PKP4: variants seen among roughly 807,000 people sequenced by gnomAD.
PKP4 encodes plakophilin-4.
Under a neutral mutation model 145.1 loss-of-function variants are expected in PKP4, and 90 were observed. That is an observed-to-expected ratio of 0.62 (90% CI 0.52 to 0.74). The LOEUF (loss-of-function observed/expected upper bound fraction) is 0.74. Ranked by LOEUF, PKP4 falls within the 30% of genes least tolerant of loss-of-function variation. The pLI, the probability that PKP4 is intolerant of heterozygous loss-of-function variation, is 0.00. For synonymous variants in PKP4, 563 were observed against 577.2 expected (o/e 0.98, Z 0.35); for missense variants, 1,340 against 1,482.7 (o/e 0.90, Z 1.58).
At chr2:158,642,885 G>C (rs534610531) in intron 11 of PKP4, among the ~76,000 whole-genome samples, 186 bp downstream of exon 11, 93 of 152,310 alleles carry the variant, frequency 6.1e-4, no homozygotes, top group African/African-American at 2.1e-3. Context: ...TTAGAATGCA[G>C]TCATCTCTAT....
At chr2:158,677,368 G>A (rs190178405) in intron 20 of PKP4, 8 of 164,456 alleles carry the variant, frequency 4.9e-5, no homozygotes, top group Non-Finnish European at 9.9e-5. Flanking sequence ...TCTTCTCAAC[G>A]TGATTATTTT....
chr2:158,679,067 C>G (rs3863923), intron 21 of PKP4: 1 of 168,732 alleles, frequency 5.9e-6, no homozygotes, highest in Non-Finnish European at 1.3e-5. Flanking sequence ...TCGCCCCTCC[C>G]TGTCCAAGCT....
intron 2 of PKP4, among the ~76,000 whole-genome samples, chr2:158,546,804 G>T (rs556593901): frequency 6.6e-6 from 1 of 152,258 alleles, no homozygotes; most frequent in African/African-American, 2.4e-5. Context: ...TCTCAAAGTT[G>T]AGAGAAGAAA....
chr2:158,566,191 T>C (rs1484910702), intron 2 of PKP4, among the ~76,000 whole-genome samples: 1 of 152,218 alleles, frequency 6.6e-6, no homozygotes, highest in African/African-American at 2.4e-5. Context: ...ATTAGTAATT[T>C]TTAAAATAAG....
intron 1 of PKP4, among the ~76,000 whole-genome samples, chr2:158,521,009 C>T (rs1336069437): frequency 6.6e-6 from 1 of 152,162 alleles, no homozygotes; most frequent in Non-Finnish European, 1.5e-5. Context: ...GAGTTGTTAG[C>T]AACCTATCGC....
At chr2:158,655,209 C>T (rs946230191) in intron 11 of PKP4, among the ~76,000 whole-genome samples, 2 of 152,146 alleles carry the variant, frequency 1.3e-5, no homozygotes, top group African/African-American at 4.8e-5. Context: ...TGTCCAATCC[C>T]AAGTATATAT....
intron 3 of PKP4, among the ~76,000 whole-genome samples, chr2:158,578,912 G>C (rs1048391743): frequency 6.6e-6 from 1 of 151,958 alleles, no homozygotes; most frequent in African/African-American, 2.4e-5. Context: ...ACCTCTGTAG[G>C]AGATGTGAGA....
chr2:158,680,066 C>T (rs970957251), intron 21 of PKP4, among the ~76,000 whole-genome samples: 2 of 152,212 alleles, frequency 1.3e-5, no homozygotes, highest in Non-Finnish European at 2.9e-5. Context: ...AATATCAAGA[C>T]CATCCTCTCA....
chr2:158,485,195 C>T (rs11689148), intron 1 of PKP4, among the ~76,000 whole-genome samples: 29,945 of 152,168 alleles, frequency 0.2, 3,796 homozygotes, highest in Middle Eastern at 0.34. Flanking sequence ...TGCAGCTACT[C>T]TTAAAACAAT....
In PKP4 at chr2:158,656,333, T is replaced by G. The variant is rs1198655479; in HGVS notation, c.1910-1798T>G. Among the ~76,000 whole-genome samples, 4 of 148,326 alleles carry G rather than the reference T, an allele frequency of 2.7e-5. No individual in the cohort carries two copies. The East Asian group carries it at 6.2e-4, about 23-fold the overall frequency. ...CTCCAACTGTAGAATTTAAGTTCTT[T>G]TCATAAGCACCCATAATGCGTGCTG... On this transcript the variant is annotated intron_variant, in intron 11 of 21. Coordinates refer to ENST00000389759, the MANE Select transcript of PKP4 (RefSeq NM_003628.6).
chr2:158,579,844 A>AAC (rs2048179079), intron 3 of PKP4, among the ~76,000 whole-genome samples: 1 of 151,608 alleles, frequency 6.6e-6, no homozygotes, highest in Non-Finnish European at 1.5e-5. Flanking sequence ...AGCAATTTAA[A>AAC]ATATATATAT....
chr2:158,483,776 A>G (rs1423046357), intron 1 of PKP4, among the ~76,000 whole-genome samples: 1 of 90,828 alleles, frequency 1.1e-5, no homozygotes, highest in Non-Finnish European at 2.2e-5. Flanking sequence ...TGAATTTGGA[A>G]TTATGTTCTG....
At chr2:158,615,950 C>T (rs924011729) in intron 4 of PKP4, among the ~76,000 whole-genome samples, 3 of 152,192 alleles carry the variant, frequency 2.0e-5, no homozygotes, top group Non-Finnish European at 4.4e-5. Context: ...TAGAAACCCT[C>T]AAGAACCAGA....
At chr2:158,645,513 A>G (rs926975444) in intron 11 of PKP4, among the ~76,000 whole-genome samples, 1 of 152,150 alleles carries the variant, frequency 6.6e-6, no homozygotes, top group Non-Finnish European at 1.5e-5. Context: ...TTCCTGTGTC[A>G]TGTCCAGTTG....
chr2:158,474,520 A>T (rs1036922729), intron 1 of PKP4, among the ~76,000 whole-genome samples: 1 of 152,188 alleles, frequency 6.6e-6, no homozygotes, highest in Non-Finnish European at 1.5e-5. Context: ...AAACCATGAG[A>T]TTTTAAGTGA....
At chr2:158,604,422 A>G (rs1333320398) in intron 4 of PKP4, among the ~76,000 whole-genome samples, 5 of 152,190 alleles carry the variant, frequency 3.3e-5, no homozygotes, top group African/African-American at 1.2e-4. Flanking sequence ...TTGAAGCAAA[A>G]TGTCATATTA....
At position 158,661,084 on chromosome 2, in the gene PKP4, G is replaced by A. The variant is rs192613745; in HGVS notation, c.2094-249G>A. On this transcript the variant is annotated intron_variant, in intron 12 of 21. Coordinates refer to ENST00000389759, the MANE Select transcript of PKP4 (RefSeq NM_003628.6). ...ATAGGCCCCTAAAGAATTATATGAGGGAATTAGAAAGTGACACGTCATGAG... is the reference window on the plus strand; with the variant it reads ...ATAGGCCCCTAAAGAATTATATGAGAGAATTAGAAAGTGACACGTCATGAG... 6.4e-4 allele frequency: 199 copies of A among 312,384 alleles called. 1 individual carries two copies. In the East Asian group the frequency reaches 0.011, roughly 17 times the overall value. 19.4% of individuals were successfully genotyped at this position (312,384 alleles called of 1,614,324 possible). A position where few individuals can be genotyped will look rare whatever the true frequency, so the allele number is the denominator to read the frequency against.
chr2:158,600,676 A>G (rs6743618), intron 3 of PKP4, among the ~76,000 whole-genome samples: 13,004 of 152,240 alleles, frequency 0.085, 624 homozygotes, highest in Admixed American at 0.11. Context: ...TCAAAAAGAA[A>G]ATAGGCTGTT....
chr2:158,540,141 C>A (rs1010045285), intron 2 of PKP4, among the ~76,000 whole-genome samples: 6 of 152,172 alleles, frequency 3.9e-5, no homozygotes, highest in African/African-American at 1.4e-4. Flanking sequence ...GAACTGCTAG[C>A]AAAGCTTCCA....
Sources: allele counts gnomAD v4.1 joint callset (sites outside exome capture counted in the v4.1 genomes callset), GRCh38; gene constraint gnomAD v4.1.1; transcripts MANE v1.5; gene names NCBI Gene and HGNC (gene_info 2026-07-23, HGNC 2026-07-21).